WDR7: variants seen among roughly 807,000 people sequenced by gnomAD.
WDR7 encodes WD repeat domain 7.
In WDR7, 46 loss-of-function variants were observed where a neutral mutation model predicts 169.4. The observed-to-expected ratio is 0.27, with a 90% CI of 0.21 to 0.35. The LOEUF is 0.35. Ranked by LOEUF, WDR7 falls within the 10% of genes least tolerant of loss-of-function variation. The pLI, the probability that WDR7 is intolerant of heterozygous loss-of-function variation, is 1.00. For missense variants in WDR7, 1,534 were observed against 1,859.3 expected, an observed-to-expected ratio of 0.83 and a Z score of 3.22; for synonymous variants, 612 against 666.8, an observed-to-expected ratio of 0.92 and a Z score of 1.27.
intron 21 of WDR7, among the ~76,000 whole-genome samples, chr18:56,899,227 G>A (rs1298991351): frequency 2.6e-5 from 4 of 151,826 alleles, no homozygotes; most frequent in Non-Finnish European, 5.9e-5. Flanking sequence ...GAGATTTTTA[G>A]CATATATCAT....
At chr18:56,794,561 GGCCTCCCAAAGT>G (rs1568198723) in intron 19 of WDR7, among the ~76,000 whole-genome samples, 1 of 151,522 alleles carries the variant, frequency 6.6e-6, no homozygotes, top group Non-Finnish European at 1.5e-5. Context: ...TGCCTGCCTC[GGCCTCCCAAAGT>G]GCTGGGATTA....
chr18:56,882,620 T>C (rs2046125138), intron 21 of WDR7, among the ~76,000 whole-genome samples: 1 of 152,222 alleles, frequency 6.6e-6, no homozygotes, highest in South Asian at 2.1e-4. Context: ...TTCTTTGAAG[T>C]GGAAATTTCT....
intron 13 of WDR7, among the ~76,000 whole-genome samples, chr18:56,719,529 TC>T (rs2026270419): frequency 7.6e-6 from 1 of 131,874 alleles, no homozygotes. Context: ...GCCACTGCAC[TC>T]CAGCCTGGGA....
intron 22 of WDR7, among the ~76,000 whole-genome samples, chr18:56,935,028 T>C (rs538498212): frequency 6.6e-6 from 1 of 152,086 alleles, no homozygotes; most frequent in Non-Finnish European, 1.5e-5. Flanking sequence ...TTTCATGTAG[T>C]AGAGGTGGGG....
At chr18:56,793,011 G>T (rs1160374484) in intron 19 of WDR7, among the ~76,000 whole-genome samples, 1 of 152,158 alleles carries the variant, frequency 6.6e-6, no homozygotes, top group African/African-American at 2.4e-5. Flanking sequence ...CTTCATAGTA[G>T]GTTGCACCCA....
intron 21 of WDR7, among the ~76,000 whole-genome samples, chr18:56,900,633 T>G (rs2046389764): frequency 6.6e-6 from 1 of 152,148 alleles, no homozygotes; most frequent in Non-Finnish European, 1.5e-5. Flanking sequence ...TTAGACTTCT[T>G]TAAAGAGTCA....
chr18:57,008,070 G>C (rs2048090183), intron 26 of WDR7, among the ~76,000 whole-genome samples: 1 of 151,986 alleles, frequency 6.6e-6, no homozygotes, highest in South Asian at 2.1e-4. Flanking sequence ...CCCTCCACCT[G>C]AATTCTCACA....
intron 1 of WDR7, among the ~76,000 whole-genome samples, chr18:56,658,625 C>G (rs1482899924): frequency 1.3e-5 from 2 of 152,176 alleles, no homozygotes; most frequent in Non-Finnish European, 2.9e-5. Flanking sequence ...AAAGGCTCTT[C>G]TTTTTTCTAA....
At chr18:56,832,668 G>C (rs1298007615) in intron 20 of WDR7, among the ~76,000 whole-genome samples, 1 of 152,216 alleles carries the variant, frequency 6.6e-6, no homozygotes, top group African/African-American at 2.4e-5. Context: ...TTGCTGTTCT[G>C]CAGTCTCCAC....
chr18:56,843,616 CTG>C (rs1186418730), intron 20 of WDR7, among the ~76,000 whole-genome samples: 2 of 152,142 alleles, frequency 1.3e-5, no homozygotes, highest in African/African-American at 2.4e-5. Context: ...CTTTTGGCGA[CTG>C]TGAATAATGC....
intron 20 of WDR7, among the ~76,000 whole-genome samples, chr18:56,876,840 A>G (rs751680634): frequency 4.6e-5 from 7 of 152,144 alleles, no homozygotes; most frequent in Non-Finnish European, 8.8e-5. Flanking sequence ...GCAGAAATTA[A>G]TAAGATAGAA....
chr18:56,852,400 A>G (rs1183755288), intron 20 of WDR7, among the ~76,000 whole-genome samples: 3 of 152,186 alleles, frequency 2.0e-5, no homozygotes, highest in Non-Finnish European at 4.4e-5. Context: ...AACCTAGTTC[A>G]TTCCCAGACA....
chr18:56,779,090 GT>G (rs1284776554), intron 17 of WDR7, among the ~76,000 whole-genome samples: 2 of 152,094 alleles, frequency 1.3e-5, no homozygotes, highest in Non-Finnish European at 2.9e-5. Context: ...TCTAGTATGT[GT>G]TTATTTCTGT....
At chr18:56,665,787 CTG>C (rs1360474315) in intron 1 of WDR7, among the ~76,000 whole-genome samples, 1 of 152,164 alleles carries the variant, frequency 6.6e-6, no homozygotes, top group East Asian at 1.9e-4. Flanking sequence ...TGAGCGGACT[CTG>C]AGATGGAGAC....
Position 56,962,453 on chromosome 18 carries a change from A to T in WDR7, c.4088A>T (p.Glu1363Val). ...AGGTTCTACATGGTCAGCTATTATG[A>T]GCGGAATCACAGAATAGCAGTTGGA... ...ICRFYMVSYY[E>V]RNHRIAVGAR... The change falls in exon 26 of 28, where the codon GAG (glutamate) becomes GTG (valine). Residue 1363 changes from glutamate (E) to valine (V), a missense_variant. Physicochemically the swap from Glu to Val is moderately radical, Grantham distance 121. Transcript: ENST00000254442. 6.2e-7 allele frequency: 1 copy of T among 1,613,064 alleles called. No individual in the cohort carries two copies. The highest frequency in any genetic ancestry group is 1.7e-4 in the Middle Eastern group (1 of 6,056).
intron 12 of WDR7, among the ~76,000 whole-genome samples, chr18:56,715,826 A>G (rs2026179661): frequency 1.3e-5 from 2 of 152,204 alleles, no homozygotes; most frequent in Admixed American, 1.3e-4. Flanking sequence ...GATGAGGGCA[A>G]TAAATAAAAT....
At chr18:56,989,687 A>T (rs568769835) in intron 26 of WDR7, among the ~76,000 whole-genome samples, 1 of 152,220 alleles carries the variant, frequency 6.6e-6, no homozygotes, top group Non-Finnish European at 1.5e-5. Flanking sequence ...TAAATAACTT[A>T]TGATACTTGA....
At chr18:56,967,506 G>A (rs2047426902) in intron 26 of WDR7, among the ~76,000 whole-genome samples, 1 of 152,028 alleles carries the variant, frequency 6.6e-6, no homozygotes, top group African/African-American at 2.4e-5. Context: ...CTCCTTAGCG[G>A]TCCAGGCATG....
At chr18:56,952,673 A>G (rs2145742148) in intron 25 of WDR7, among the ~76,000 whole-genome samples, 1 of 152,304 alleles carries the variant, frequency 6.6e-6, no homozygotes, top group Non-Finnish European at 1.5e-5. Flanking sequence ...ATGGAGAAAA[A>G]CGTTTAAGTG....
Sources: gnomAD v4.1 joint callset for allele counts (sites outside exome capture counted in the v4.1 genomes callset) on GRCh38, gnomAD v4.1.1 for gene constraint, MANE v1.5 for transcripts, NCBI Gene and HGNC (gene_info 2026-07-23, HGNC 2026-07-21) for gene names.